GTF2A1: variants seen among roughly 807,000 people sequenced by gnomAD.
The protein encoded by GTF2A1 is transcription initiation factor IIA subunit 1.
GTF2A1 carries 12 observed loss-of-function variants against 54.1 expected under a neutral mutation model. The observed-to-expected ratio is 0.22, with a 90% CI of 0.14 to 0.36. The LOEUF (loss-of-function observed/expected upper bound fraction) is 0.36. GTF2A1 is among the 10% of genes least tolerant of loss of function. The pLI, the probability that GTF2A1 is intolerant of heterozygous loss-of-function variation, is 1.00. For missense variants in GTF2A1, 335 were observed against 442.2 expected (o/e 0.76, Z 2.17); for synonymous variants, 145 against 152.0 (o/e 0.95, Z 0.34).
At position 81,196,162 on chromosome 14, in the gene GTF2A1, T is replaced by C. The variant is rs554128879; in HGVS notation, c.558A>G (p.Gln186=). Reference sequence around the variant, plus strand: ...CAGGCTGCATTTGTGGTATAACCTGTTGTTGTAGAACCACTGACTGCTGAG... The same window carrying C: ...CAGGCTGCATTTGTGGTATAACCTGCTGTTGTAGAACCACTGACTGCTGAG... ...FQPQQSVVLQ[Q]QVIPQMQPGG... The change falls in exon 6 of 9, where the codon CAA becomes CAG. Residue 186 remains glutamine (Q), a synonymous_variant. Coordinates refer to ENST00000553612, the MANE Select transcript of GTF2A1 (RefSeq NM_015859.4). The C allele has an allele frequency of 2.5e-6, 4 of 1,613,824 alleles. No individual in the cohort carries two copies. The highest frequency in any genetic ancestry group is 3.3e-5 in the Admixed American group (2 of 60,022).
intron 6 of GTF2A1, among the ~76,000 whole-genome samples, chr14:81,195,623 C>T (rs1458459019): frequency 5.5e-5 from 6 of 108,232 alleles, no homozygotes; most frequent in African/African-American, 2.2e-4. Flanking sequence ...AAGAGCAAGA[C>T]TCTGTCTCGA....
chr14:81,175,719 T>C lies in GTF2A1; in HGVS notation c.*4504A>G, dbSNP rs1325508550. ...AACCTCTGAACTAAGAGGAAGTGGT[T>C]TGACTAAACAGAGAAATAACAATGT... On this transcript the variant is annotated 3_prime_UTR_variant, in exon 9 of 9. Coordinates refer to ENST00000553612, the MANE Select transcript of GTF2A1 (RefSeq NM_015859.4). The C allele has an allele frequency of 6.6e-6, 1 of 152,190 alleles. No homozygotes were observed. The highest frequency in any genetic ancestry group is 1.5e-5 in the Non-Finnish European group (1 of 68,024). The allele number at this position is 152,190 out of a possible 1,614,324, so 9.4% of individuals were successfully genotyped here.
rs991177723 is a variant in GTF2A1, at chr14:81,175,611, T to A, written c.*4612A>T. On this transcript the variant is annotated 3_prime_UTR_variant, in exon 9 of 9. Transcript: ENST00000553612. The stretch of plus-strand genomic sequence containing the variant: ...ATAAAATTAAAATACCTGCTAATTA[T>A]TATCTTCTAAAATAACACAAAATAT... 1.3e-5 allele frequency: 2 copies of A among 152,204 alleles called. No homozygotes were observed. Among genetic ancestry groups the A allele is most frequent in the African/African-American group, 2.4e-5 (1 of 41,448 alleles). The allele number at this position is 152,204 out of a possible 1,614,324, so 9.4% of individuals were successfully genotyped here.
intron 3 of GTF2A1, 68 bp from the exon 4 acceptor site, chr14:81,201,726 T>TA: frequency 9.8e-7 from 1 of 1,019,688 alleles, no homozygotes; most frequent in South Asian, 1.3e-5. Flanking sequence ...AAGAACACTT[T>TA]ACATACAATG....
chr14:81,214,846 T>A (rs953298921), intron 2 of GTF2A1, among the ~76,000 whole-genome samples: 4 of 152,190 alleles, frequency 2.6e-5, no homozygotes, highest in African/African-American at 9.7e-5. Context: ...TGAGTGAGAA[T>A]GACAAATGAC....
At chr14:81,180,899 T>C (rs941740932) in intron 8 of GTF2A1, among the ~76,000 whole-genome samples, 4 of 152,232 alleles carry the variant, frequency 2.6e-5, no homozygotes, top group African/African-American at 9.6e-5. Context: ...AAATTCCCAA[T>C]GGTATTTTCA....
rs60741593 is a variant in GTF2A1 at position 81,190,268 on chromosome 14, G to GAA, written c.933+2249_933+2250dup. Among the ~76,000 whole-genome samples, 17 of 135,366 alleles carry GAA rather than the reference G, an allele frequency of 1.3e-4. No homozygotes were observed. The East Asian group carries it at 2.4e-3, about 19-fold the overall frequency. The allele number at this position is 135,366 out of a possible 152,430, so 88.8% of individuals were successfully genotyped here. On this transcript the variant is annotated intron_variant, in intron 7 of 8. Coordinates refer to ENST00000553612, the MANE Select transcript of GTF2A1 (RefSeq NM_015859.4). ...AACAGAAGAATTAAATACAATCTTT[G>GAA]AAAAAAAAAAAAGAGTTCAAAATAC...
At chr14:81,199,398 A>T (rs1299957974) in intron 4 of GTF2A1, among the ~76,000 whole-genome samples, 3 of 152,242 alleles carry the variant, frequency 2.0e-5, no homozygotes, top group Non-Finnish European at 2.9e-5. Context: ...ATCATTTCAT[A>T]AAAAAGAACC....
intron 8 of GTF2A1, among the ~76,000 whole-genome samples, chr14:81,184,865 A>T (rs551555920): frequency 1.3e-5 from 2 of 152,250 alleles, no homozygotes; most frequent in South Asian, 2.1e-4. Context: ...TGATTGCAAT[A>T]AAAAAACTGT....
At chr14:81,209,320 T>C (rs1893310496) in intron 2 of GTF2A1, among the ~76,000 whole-genome samples, 1 of 152,190 alleles carries the variant, frequency 6.6e-6, no homozygotes, top group Non-Finnish European at 1.5e-5. Flanking sequence ...CTCTTGCCAC[T>C]GCCAAGTAAG....
chr14:81,212,344 C>A (rs996567523), intron 2 of GTF2A1, among the ~76,000 whole-genome samples: 1 of 151,238 alleles, frequency 6.6e-6, no homozygotes, highest in South Asian at 2.1e-4. Flanking sequence ...CAGACACTCA[C>A]CAATCCAAAA....
At chr14:81,182,963 G>T (rs972825878) in intron 8 of GTF2A1, among the ~76,000 whole-genome samples, 1 of 152,084 alleles carries the variant, frequency 6.6e-6, no homozygotes, top group Non-Finnish European at 1.5e-5. Context: ...GACCTACTAT[G>T]ACTATCCTAT....
intron 2 of GTF2A1, among the ~76,000 whole-genome samples, chr14:81,215,680 C>T (rs1893473224): frequency 6.6e-6 from 1 of 152,154 alleles, no homozygotes; most frequent in Admixed American, 6.5e-5. Flanking sequence ...TTTTATCAAG[C>T]ACTTAATCCC....
intron 1 of GTF2A1, among the ~76,000 whole-genome samples, chr14:81,219,308 C>G (rs910876913): frequency 2.0e-5 from 3 of 152,204 alleles, no homozygotes; most frequent in African/African-American, 7.2e-5. Context: ...GCTCTGCACA[C>G]GCCTGGCTCT....
intron 8 of GTF2A1, among the ~76,000 whole-genome samples, chr14:81,181,781 G>T (rs1892643883): frequency 6.6e-6 from 1 of 152,088 alleles, no homozygotes; most frequent in Non-Finnish European, 1.5e-5. Flanking sequence ...GACCTCAGGT[G>T]ATCCCCCACC....
At chr14:81,204,254 G>A in intron 2 of GTF2A1, 150 bp from the exon 3 acceptor site, 1 of 775,688 alleles carries the variant, frequency 1.3e-6, no homozygotes. Context: ...TAACCCAAGT[G>A]AAACAATAAC....
intron 8 of GTF2A1, among the ~76,000 whole-genome samples, chr14:81,182,229 G>A (rs1162873935): frequency 2.0e-5 from 3 of 152,192 alleles, no homozygotes; most frequent in Admixed American, 6.5e-5. Flanking sequence ...AAAACAGCAG[G>A]TAGGGTAAAG....
intron 7 of GTF2A1, 23 bp from the exon 8 acceptor site, chr14:81,185,643 T>C (rs748792120): frequency 7.6e-7 from 1 of 1,321,818 alleles, no homozygotes; most frequent in Admixed American, 1.7e-5. Flanking sequence ...GGAGAGTTCT[T>C]ATTACTATAA....
At chr14:81,211,690 T>C (rs1332433213) in intron 2 of GTF2A1, among the ~76,000 whole-genome samples, 1 of 151,934 alleles carries the variant, frequency 6.6e-6, no homozygotes, top group African/African-American at 2.4e-5. Flanking sequence ...GGCTAGAAAT[T>C]CTGAAGGATT....
Sources: allele counts gnomAD v4.1 joint callset (sites outside exome capture counted in the v4.1 genomes callset), GRCh38; gene constraint gnomAD v4.1.1; transcripts MANE v1.5; gene names NCBI Gene and HGNC (gene_info 2026-07-23, HGNC 2026-07-21).